FGD3: variants seen among roughly 807,000 people sequenced by gnomAD.
FGD3 encodes FYVE, RhoGEF and PH domain containing 3, also known as FYVE, RhoGEF and PH domain-containing protein 3.
A neutral mutation model predicts 71.8 loss-of-function variants in FGD3; 45 were observed. That is an observed-to-expected ratio of 0.63 (90% CI 0.49 to 0.80). The LOEUF is 0.80. Among genes scored for constraint, FGD3 ranks in the 30% least tolerant of loss-of-function variants. FGD3 has a pLI of 0.00. For missense variants in FGD3, 844 were observed against 951.5 expected (o/e 0.89, Z 1.49); for synonymous variants, 378 against 392.8 (o/e 0.96, Z 0.44).
chr9:93,013,500 G>T (rs1285873427), intron 8 of FGD3, among the ~76,000 whole-genome samples: 1 of 152,222 alleles, frequency 6.6e-6, no homozygotes, highest in Non-Finnish European at 1.5e-5. Flanking sequence ...CTGGGTCTCA[G>T]ATACTCAACT....
Position 92,967,574 on chromosome 9 carries a change from C to T in FGD3, c.-217-7664C>T, listed in dbSNP as rs560845410. On this transcript the variant is annotated intron_variant, in intron 1 of 17. Coordinates refer to ENST00000375482, the MANE Select transcript of FGD3 (RefSeq NM_001083536.2). ...TGTGGCATGGGTCAGAATTTCCTTC[C>T]GGTTTATTTATTTACTTATGAGATG... Among the ~76,000 whole-genome samples, 9 of 152,198 alleles carry T rather than the reference C, an allele frequency of 5.9e-5. No individual in the cohort carries two copies. The South Asian group carries it at 1.5e-3, about 25-fold the overall frequency.
chr9:93,018,613 C>T (rs1861793791), intron 11 of FGD3, among the ~76,000 whole-genome samples: 1 of 152,110 alleles, frequency 6.6e-6, no homozygotes, highest in Non-Finnish European at 1.5e-5. Flanking sequence ...GAGTTTCAGT[C>T]CCTTGATGGT....
Position 93,003,985 on chromosome 9 carries a change from G to A in FGD3, c.544-16G>A. The A allele has an allele frequency of 6.2e-7, 1 of 1,613,806 alleles. No individual in the cohort carries two copies. The highest frequency in any genetic ancestry group is 8.5e-7 in the Non-Finnish European group (1 of 1,179,930). On this transcript the variant is annotated splice_polypyrimidine_tract_variant and intron_variant, in intron 4 of 17. Transcript: ENST00000375482. The surrounding 1 kb of genome is among the most constrained non-coding windows in gnomAD (Gnocchi z 4.1). ...GAAGAGGCTCACTGGCCACACGTGGGCTTCTCTATGCTCAGGTTTTCTGCA... is the reference window on the plus strand; with the variant it reads ...GAAGAGGCTCACTGGCCACACGTGGACTTCTCTATGCTCAGGTTTTCTGCA...
intron 14 of FGD3, among the ~76,000 whole-genome samples, chr9:93,024,729 G>A (rs1446957390): frequency 2.6e-5 from 4 of 152,232 alleles, no homozygotes; most frequent in Non-Finnish European, 5.9e-5. Context: ...AACAGCAGGA[G>A]CCCAGGCCTG....
In FGD3 at chr9:93,035,843, T is replaced by TGCCAA. The variant is rs780904204; in HGVS notation, c.*255_*259dup. 1.6e-5 allele frequency: 8 copies of TGCCAA among 492,524 alleles called. No individual in the cohort carries two copies. Among genetic ancestry groups the TGCCAA allele is most frequent in the East Asian group, 6.8e-5 (2 of 29,228 alleles). The allele number at this position is 492,524 out of a possible 1,614,324, so 30.5% of individuals were successfully genotyped here. A position where few individuals can be genotyped will look rare whatever the true frequency, so the allele number is the denominator to read the frequency against. ...AGTGTGGCCCAGAGCAGGGGCCGAC[T>TGCCAA]GCCAAAGTAACCATCATCCATATGG... On this transcript the variant is annotated 3_prime_UTR_variant, in exon 18 of 18. Coordinates refer to ENST00000375482, the MANE Select transcript of FGD3 (RefSeq NM_001083536.2).
At chr9:92,947,941 A>G (rs933659194) in intron 1 of FGD3, among the ~76,000 whole-genome samples, 2 of 152,148 alleles carry the variant, frequency 1.3e-5, no homozygotes, top group Non-Finnish European at 2.9e-5. Flanking sequence ...TCCTGAGCAC[A>G]GCCCAGTGGA....
chr9:92,952,454 G>T (rs1373852752), intron 1 of FGD3, among the ~76,000 whole-genome samples: 1 of 151,938 alleles, frequency 6.6e-6, no homozygotes, highest in Non-Finnish European at 1.5e-5. Context: ...AGCCAGGATG[G>T]TCTTGATCTC....
intron 3 of FGD3, among the ~76,000 whole-genome samples, chr9:92,996,682 G>A (rs1860658829): frequency 1.3e-5 from 2 of 152,116 alleles, no homozygotes. Flanking sequence ...TTGTGTCTTT[G>A]TTCTCATTGG....
intron 7 of FGD3, among the ~76,000 whole-genome samples, chr9:93,010,831 G>A (rs1457637186): frequency 6.6e-6 from 1 of 152,118 alleles, no homozygotes; most frequent in Non-Finnish European, 1.5e-5. Flanking sequence ...GTATGCGGGT[G>A]GACATTGGTC....
At position 92,969,681 on chromosome 9, in the gene FGD3, G is replaced by A. The variant is rs1270351947; in HGVS notation, c.-217-5557G>A. 1.3e-5 allele frequency among the ~76,000 whole-genome samples: 2 copies of A among 152,098 alleles called. No homozygotes were observed. The highest frequency in any genetic ancestry group is 1.5e-5 in the Non-Finnish European group (1 of 68,020). ...TTCTTTCAGATGGGGGGGGACTCCC[G>A]CACGGCCTCCCGGGAAGGGACATCT... On this transcript the variant is annotated intron_variant, in intron 1 of 17. Transcript: ENST00000375482. The surrounding 1 kb of genome is among the most constrained non-coding windows in gnomAD (Gnocchi z 4.5).
intron 1 of FGD3, among the ~76,000 whole-genome samples, chr9:92,972,905 C>T (rs1018317936): frequency 2.0e-5 from 3 of 152,066 alleles, no homozygotes; most frequent in African/African-American, 4.8e-5. Flanking sequence ...TCTCACACTT[C>T]GTAGTTTTCA....
Position 93,011,285 on chromosome 9 carries a change from C to A in FGD3, c.1035+13C>A. 1 of 1,614,124 alleles carries A rather than the reference C, an allele frequency of 6.2e-7. No homozygotes were observed. The highest frequency in any genetic ancestry group is 2.2e-5 in the East Asian group (1 of 44,878). On this transcript the variant is annotated intron_variant, in intron 8 of 17. Coordinates refer to ENST00000375482, the MANE Select transcript of FGD3 (RefSeq NM_001083536.2). ...CATTCGGAAAGTGGTGAGTGTGGGG[C>A]TCCAGTGGCGACCGGCAGGGTGGTG...
chr9:92,951,604 G>A (rs1587806850), intron 1 of FGD3, among the ~76,000 whole-genome samples: 1 of 152,232 alleles, frequency 6.6e-6, no homozygotes, highest in South Asian at 2.1e-4. Context: ...TGAACCCAGA[G>A]GTTGAGGCTG....
At chr9:93,002,672 C>T (rs1412843352) in intron 3 of FGD3, among the ~76,000 whole-genome samples, 5 of 152,156 alleles carry the variant, frequency 3.3e-5, no homozygotes, top group African/African-American at 9.7e-5. Context: ...GCTGTTTAGT[C>T]CATCATCTTG....
chr9:93,020,030 C>T (rs568821913), intron 12 of FGD3, among the ~76,000 whole-genome samples, 169 bp downstream of exon 12: 1 of 152,370 alleles, frequency 6.6e-6, no homozygotes, highest in South Asian at 2.1e-4. Flanking sequence ...GCTTCAGATG[C>T]CACAAGCCCT....
At chr9:92,950,679 C>T (rs1466130320) in intron 1 of FGD3, among the ~76,000 whole-genome samples, 4 of 152,186 alleles carry the variant, frequency 2.6e-5, no homozygotes, top group Admixed American at 6.5e-5. Flanking sequence ...AAATGTAGCC[C>T]GAGTCCCTTC....
chr9:93,013,485 C>G (rs550429931), intron 8 of FGD3, among the ~76,000 whole-genome samples: 2 of 152,184 alleles, frequency 1.3e-5, no homozygotes, highest in Non-Finnish European at 2.9e-5. Flanking sequence ...ATGGATTGTC[C>G]GAGTCTGGGT....
chr9:92,952,260 A>G (rs1479307499), intron 1 of FGD3, among the ~76,000 whole-genome samples: 1 of 137,906 alleles, frequency 7.3e-6, no homozygotes, highest in Non-Finnish European at 1.5e-5. Flanking sequence ...TTTTGGAGAT[A>G]GAGTCTTGCT....
intron 10 of FGD3, among the ~76,000 whole-genome samples, 186 bp downstream of exon 10, chr9:93,016,015 G>A (rs915387671): frequency 5.3e-5 from 8 of 152,210 alleles, no homozygotes; most frequent in East Asian, 1.9e-4. Flanking sequence ...CAGGCTGGAA[G>A]GGCAGGATTC....
Sources: allele counts gnomAD v4.1 joint callset (sites outside exome capture counted in the v4.1 genomes callset), GRCh38; gene constraint gnomAD v4.1.1; non-coding constraint Gnocchi (gnomAD v3.1); transcripts MANE v1.5; gene names NCBI Gene and HGNC (gene_info 2026-07-23, HGNC 2026-07-21).